Variants in ARMH3 observed in about 807,000 individuals in gnomAD.
ARMH3 encodes the protein armadillo-like helical domain-containing protein 3.
ARMH3 carries 60 observed loss-of-function variants against 99.1 expected under a neutral mutation model. That is an observed-to-expected ratio of 0.61 (90% CI 0.49 to 0.75). ARMH3 has a LOEUF of 0.75. Ranked by LOEUF, ARMH3 falls within the 30% of genes least tolerant of loss-of-function variation. The probability of loss-of-function intolerance (pLI) is 0.00; values close to 1 mark genes in which losing one functional copy is unlikely to be tolerated. For missense variants in ARMH3, 679 were observed against 843.1 expected (o/e 0.81, Z 2.41); for synonymous variants, 285 against 292.8 (o/e 0.97, Z 0.27).
intron 17 of ARMH3, among the ~76,000 whole-genome samples, chr10:101,993,205 A>G (rs1432054308): frequency 6.6e-6 from 1 of 151,170 alleles, no homozygotes; most frequent in East Asian, 2.0e-4. Context: ...CAAGAGGCAG[A>G]GGTTGCAGTG....
intron 23 of ARMH3, among the ~76,000 whole-genome samples, chr10:101,920,180 A>T (rs1843251038): frequency 6.6e-6 from 1 of 152,246 alleles, no homozygotes; most frequent in South Asian, 2.1e-4. Context: ...GACAACAGAT[A>T]AGTAGACAGT....
rs113644364 is a variant in ARMH3, at chr10:102,021,137, C to T, written c.669+2340G>A. Among the ~76,000 whole-genome samples, 1,104 of 150,530 alleles carry T rather than the reference C, an allele frequency of 7.3e-3. 13 individuals are homozygous for T. The highest frequency in any genetic ancestry group is 0.026 in the African/African-American group (1,058 of 41,002). ...TGTCACCCAGGCTGGAGTGCAGGGG[C>T]GTGACATCAGCTCACTGTAACCTCC... On this transcript the variant is annotated intron_variant, in intron 8 of 25. Coordinates refer to ENST00000370033, the MANE Select transcript of ARMH3 (RefSeq NM_024541.3).
At chr10:101,927,509 C>T (rs191958509) in intron 23 of ARMH3, among the ~76,000 whole-genome samples, 2 of 152,322 alleles carry the variant, frequency 1.3e-5, no homozygotes, top group African/African-American at 4.8e-5. Context: ...TTAAATTTAC[C>T]TCAAGGTCCA....
intron 19 of ARMH3, among the ~76,000 whole-genome samples, chr10:101,987,361 C>G (rs1458771741): frequency 6.6e-6 from 1 of 152,170 alleles, no homozygotes; most frequent in African/African-American, 2.4e-5. Flanking sequence ...CTTCATGACT[C>G]AGGTCAAATG....
intron 23 of ARMH3, among the ~76,000 whole-genome samples, chr10:101,937,462 T>C (rs565345362): frequency 6.7e-6 from 1 of 149,224 alleles, no homozygotes; most frequent in South Asian, 2.1e-4. Context: ...GAGGCTGCAG[T>C]GAGCAGAAAT....
At chr10:102,033,385 A>C in intron 2 of ARMH3, 46 bp from the exon 3 acceptor site, 1 of 1,577,624 alleles carries the variant, frequency 6.3e-7, no homozygotes, top group South Asian at 1.1e-5. Context: ...GCTAACACCA[A>C]AAGCATTAAG....
At chr10:101,851,904 G>A (rs972368704) in intron 24 of ARMH3, among the ~76,000 whole-genome samples, 1 of 152,206 alleles carries the variant, frequency 6.6e-6, no homozygotes, top group African/African-American at 2.4e-5. Flanking sequence ...CTGGTACCCA[G>A]CAACAGCAGT....
chr10:101,898,211 G>A (rs1215340122), intron 23 of ARMH3, among the ~76,000 whole-genome samples: 3 of 151,586 alleles, frequency 2.0e-5, no homozygotes, highest in Non-Finnish European at 4.4e-5. Flanking sequence ...AAATTAGCTG[G>A]GCATGGTGAC....
intron 23 of ARMH3, among the ~76,000 whole-genome samples, chr10:101,920,927 G>A (rs963069462): frequency 7.2e-5 from 11 of 152,084 alleles, no homozygotes; most frequent in African/African-American, 2.4e-4. Context: ...CCACTATAAG[G>A]TATCTAAAAT....
intron 1 of ARMH3, among the ~76,000 whole-genome samples, chr10:102,041,603 C>T (rs969291770): frequency 4.6e-5 from 7 of 151,916 alleles, no homozygotes; most frequent in Non-Finnish European, 8.8e-5. Context: ...TTTGAGCATA[C>T]ACTAAAGCAC....
intron 24 of ARMH3, among the ~76,000 whole-genome samples, chr10:101,864,078 A>ACACACAC (rs1368002043): frequency 2.8e-5 from 3 of 106,278 alleles, no homozygotes; most frequent in African/African-American, 1.0e-4. Context: ...AAAAAAAAAA[A>ACACACAC]ACACACACAC....
At chr10:101,894,289 C>T (rs1338748940) in intron 23 of ARMH3, among the ~76,000 whole-genome samples, 1 of 152,190 alleles carries the variant, frequency 6.6e-6, no homozygotes, top group Non-Finnish European at 1.5e-5. Context: ...TCTCCAGGCT[C>T]TTAGAAAGGA....
chr10:101,865,322 A>G (rs948758348), intron 24 of ARMH3, among the ~76,000 whole-genome samples: 1 of 152,224 alleles, frequency 6.6e-6, no homozygotes, highest in Non-Finnish European at 1.5e-5. Flanking sequence ...ATTTACTACC[A>G]TAAAATATAC....
At chr10:101,975,349 A>T (rs1163462310) in intron 19 of ARMH3, 49 bp from the exon 20 acceptor site, 1 of 1,439,846 alleles carries the variant, frequency 6.9e-7, no homozygotes, top group South Asian at 1.1e-5. Context: ...AATATAGTGC[A>T]ACTCACCAGA....
intron 24 of ARMH3, among the ~76,000 whole-genome samples, chr10:101,883,355 T>C (rs554321710): frequency 1.1e-4 from 17 of 152,002 alleles, no homozygotes; most frequent in African/African-American, 4.1e-4. Context: ...AGTTTGAGGT[T>C]ACAGTAAGCA....
At chr10:102,026,472 AC>A (rs1432430692) in intron 5 of ARMH3, among the ~76,000 whole-genome samples, 1 of 152,232 alleles carries the variant, frequency 6.6e-6, no homozygotes, top group Admixed American at 6.5e-5. Context: ...CTCTAAAGTC[AC>A]CTATTCCAAG....
At chr10:102,031,906 T>C (rs1336972996) in intron 4 of ARMH3, among the ~76,000 whole-genome samples, 1 of 152,002 alleles carries the variant, frequency 6.6e-6, no homozygotes, top group Non-Finnish European at 1.5e-5. Context: ...GCCCGGCTAA[T>C]TTTTTGTATT....
chr10:102,031,887 C>A (rs577938813), intron 4 of ARMH3, among the ~76,000 whole-genome samples: 1 of 152,122 alleles, frequency 6.6e-6, no homozygotes, highest in Non-Finnish European at 1.5e-5. Flanking sequence ...TACAGGCATG[C>A]GCCACCACGC....
At chr10:101,935,426 A>T (rs1843922044) in intron 23 of ARMH3, among the ~76,000 whole-genome samples, 1 of 152,128 alleles carries the variant, frequency 6.6e-6, no homozygotes, top group Admixed American at 6.5e-5. Flanking sequence ...AAAAAGACTG[A>T]CACTTGAGCA....
Sources: allele counts gnomAD v4.1 joint callset (sites outside exome capture counted in the v4.1 genomes callset), GRCh38; gene constraint gnomAD v4.1.1; transcripts MANE v1.5; gene names NCBI Gene and HGNC (gene_info 2026-07-23, HGNC 2026-07-21).